Variants in CUL3 observed in about 807,000 individuals in gnomAD.
CUL3 encodes cullin 3, also known as cullin-3.
Under a neutral mutation model 89.1 loss-of-function variants are expected in CUL3, and 19 were observed. The observed-to-expected ratio is 0.21, with a 90% CI of 0.15 to 0.31. The LOEUF (loss-of-function observed/expected upper bound fraction) is 0.31, where lower values mean the gene tolerates loss of function less well. CUL3 is among the 10% of genes least tolerant of loss of function. The pLI is 1.00. For missense variants in CUL3, 469 were observed against 942.3 expected (o/e 0.50, Z 6.58); for synonymous variants, 351 against 308.4 (o/e 1.14, Z -1.45).
chr2:224,557,534 GAATTAGT>G (rs1694751120), intron 2 of CUL3, 118 bp downstream of exon 2: 1 of 590,460 alleles, frequency 1.7e-6, no homozygotes, highest in African/African-American at 1.9e-5. Context: ...TAACAGTCAC[GAATTAGT>G]AATTTCTATA....
rs1360117264 is a variant in CUL3 at position 224,471,962 on chromosome 2, G to GA, written c.*2282dup. On this transcript the variant is annotated 3_prime_UTR_variant, in exon 16 of 16. Coordinates refer to ENST00000264414, the MANE Select transcript of CUL3 (RefSeq NM_003590.5). Reference sequence around the variant, plus strand: ...TTCAAATTAAAGCATTAAAAACTGAGAAAAAATAGCATCTGTGACCTCTTG... The same window carrying GA: ...TTCAAATTAAAGCATTAAAAACTGAGAAAAAAATAGCATCTGTGACCTCTTG... 1.7e-5 allele frequency: 4 copies of GA among 230,978 alleles called. No homozygotes were observed. The highest frequency in any genetic ancestry group is 2.6e-5 in the Non-Finnish European group (3 of 116,758). The allele number at this position is 230,978 out of a possible 1,614,324, so 14.3% of individuals were successfully genotyped here. A position where few individuals can be genotyped will look rare whatever the true frequency, so the allele number is the denominator to read the frequency against.
At chr2:224,520,146 G>A (rs1266631710) in intron 3 of CUL3, among the ~76,000 whole-genome samples, 2 of 152,154 alleles carry the variant, frequency 1.3e-5, no homozygotes, top group East Asian at 1.9e-4. Context: ...AAACATGTTC[G>A]AAAGCCTAAT....
At chr2:224,554,253 G>C (rs568543108) in intron 2 of CUL3, among the ~76,000 whole-genome samples, 2 of 152,192 alleles carry the variant, frequency 1.3e-5, no homozygotes, top group East Asian at 1.9e-4. Flanking sequence ...CCTTACAAAG[G>C]CTACTCCAAG....
rs1693867519 is a variant in CUL3 at position 224,535,593 on chromosome 2, G to A, written c.313C>T (p.Leu105=). The A allele has an allele frequency of 6.2e-7, 1 of 1,612,956 alleles. No homozygotes were observed. ...TGATGATCATTCCAAGCTTGATTTAGCGTTTGAAGAAAGTTGTTATTCAAT... is the reference window on the plus strand; with the variant it reads ...TGATGATCATTCCAAGCTTGATTTAACGTTTGAAGAAAGTTGTTATTCAAT... ...NSLNNNFLQT[L]NQAWNDHQTA... Residue 105 remains leucine (L), a synonymous_variant, in exon 3 of 16, where the codon CTA becomes TTA. Coordinates refer to ENST00000264414, the MANE Select transcript of CUL3 (RefSeq NM_003590.5).
intron 10 of CUL3, among the ~76,000 whole-genome samples, chr2:224,500,695 G>A (rs542047973): frequency 4.7e-5 from 7 of 148,080 alleles, no homozygotes; most frequent in Admixed American, 6.9e-5. Context: ...GCACGATCTC[G>A]GCTCACTGCA....
At position 224,511,557 on chromosome 2, in the gene CUL3, T is replaced by C. The variant is rs1357706288; in HGVS notation, c.680A>G (p.Glu227Gly). Residue 227 changes from glutamate (E) to glycine (G), a missense_variant, in exon 6 of 16, where the codon GAA becomes GGA. By Grantham distance (98) the Glu-to-Gly change is moderately conservative. This residue lies in a region of CUL3 where 370 missense variants were observed against 733.2 expected (regional missense o/e 0.50). Transcript: ENST00000264414. ...CTTTATATATACTGAAGCACTATTT[T>C]CTGCTAAAAATTTCTGGCTTTCCAT... ...FQMESQKFLA[E>G]NSASVYIKKV... 1 of 1,584,530 alleles carries C rather than the reference T, an allele frequency of 6.3e-7. No individual in the cohort carries two copies. Among genetic ancestry groups the C allele is most frequent in the Admixed American group, 1.8e-5 (1 of 54,584 alleles).
At chr2:224,520,539 A>G (rs1274789103) in intron 3 of CUL3, among the ~76,000 whole-genome samples, 1 of 152,216 alleles carries the variant, frequency 6.6e-6, no homozygotes, top group Non-Finnish European at 1.5e-5. Flanking sequence ...CCCTGCCAAC[A>G]ACTATAAAGG....
At chr2:224,545,792 C>T (rs1422918351) in intron 2 of CUL3, among the ~76,000 whole-genome samples, 2 of 152,060 alleles carry the variant, frequency 1.3e-5, no homozygotes, top group African/African-American at 2.4e-5. Flanking sequence ...AATAGCACTA[C>T]GGAAAAGTTA....
intron 1 of CUL3, among the ~76,000 whole-genome samples, chr2:224,568,282 TGTG>T (rs1305274775): frequency 2.0e-5 from 3 of 152,220 alleles, no homozygotes; most frequent in African/African-American, 7.2e-5. Flanking sequence ...TATATGGGAA[TGTG>T]GTGATAGTCT....
chr2:224,499,457 A>G (rs1692290805), intron 11 of CUL3: 1 of 240,408 alleles, frequency 4.2e-6, no homozygotes, highest in Non-Finnish European at 9.3e-6. Flanking sequence ...TCCTGGCAAT[A>G]TCAAATACAG....
intron 13 of CUL3, 126 bp from the exon 14 acceptor site, chr2:224,482,204 G>T (rs895148828): frequency 3.1e-6 from 2 of 637,546 alleles, no homozygotes; most frequent in Non-Finnish European, 5.2e-6. Flanking sequence ...GCACAAAAAA[G>T]AATTCTCTTG....
intron 13 of CUL3, among the ~76,000 whole-genome samples, chr2:224,483,293 C>A (rs1414388135): frequency 6.6e-6 from 1 of 152,070 alleles, no homozygotes; most frequent in Non-Finnish European, 1.5e-5. Context: ...TTTAAGATTA[C>A]AGATCATCCC....
At chr2:224,561,957 C>G (rs1489640355) in intron 1 of CUL3, among the ~76,000 whole-genome samples, 1 of 152,208 alleles carries the variant, frequency 6.6e-6, no homozygotes, top group Non-Finnish European at 1.5e-5. Context: ...TTAATGTCAA[C>G]TATAAGCCTC....
chr2:224,478,161 T>C (rs764394392), intron 15 of CUL3, 39 bp downstream of exon 15: 1 of 1,520,102 alleles, frequency 6.6e-7, no homozygotes, highest in South Asian at 1.3e-5. Context: ...ATAATGTTAC[T>C]GTTTTTTCTA....
At position 224,485,697 on chromosome 2, in the gene CUL3, A is replaced by G. The variant is rs1441181239; in HGVS notation, c.1843-3619T>C. 6.6e-6 allele frequency among the ~76,000 whole-genome samples: 1 copy of G among 152,202 alleles called. No homozygotes were observed. Among genetic ancestry groups the G allele is most frequent in the African/African-American group, 2.4e-5 (1 of 41,434 alleles). ...ATGGGCCCAGCTTCAGCAGAATTAA[A>G]TGTTCTTGCCTGCTGGCTCTGAAGA... On this transcript the variant is annotated intron_variant, in intron 13 of 15. Transcript: ENST00000264414. The surrounding 1 kb of genome is among the most constrained non-coding windows in gnomAD (Gnocchi z 4.1).
At chr2:224,532,762 G>A (rs978567282) in intron 3 of CUL3, among the ~76,000 whole-genome samples, 48 of 152,120 alleles carry the variant, frequency 3.2e-4, no homozygotes, top group Non-Finnish European at 4.3e-4. Context: ...CATGTTTAAT[G>A]CTGGTTGAGT....
Position 224,481,913 on chromosome 2 carries a change from G to A in CUL3, c.2008C>T (p.His670Tyr). 1 of 1,567,502 alleles carries A rather than the reference G, an allele frequency of 6.4e-7. No individual in the cohort carries two copies. The highest frequency in any genetic ancestry group is 1.4e-5 in the African/African-American group (1 of 72,956). ...ATACCTGTTTGAATCTTGACTCTGT[G>A]TAGTTTGGATGTGAATTGATCATTA... ...TVNDQFTSKL[H>Y]RVKIQTVAAK... The change falls in exon 14 of 16, where the codon CAC becomes TAC. Residue 670 changes from histidine to tyrosine, a missense_variant. His to Tyr is a moderately conservative substitution (Grantham distance 83). Transcript: ENST00000264414.
chr2:224,545,146 G>C (rs1694249174), intron 2 of CUL3, among the ~76,000 whole-genome samples: 1 of 151,926 alleles, frequency 6.6e-6, no homozygotes, highest in South Asian at 2.1e-4. Flanking sequence ...CTTCTACTAA[G>C]GCCAAGATAA....
At chr2:224,581,583 A>T (rs1695439202) in intron 1 of CUL3, among the ~76,000 whole-genome samples, 2 of 149,860 alleles carry the variant, frequency 1.3e-5, no homozygotes, top group African/African-American at 4.9e-5. Context: ...GCTCACTGCA[A>T]CCTCTGCCTC....
Sources: allele counts gnomAD v4.1 joint callset (sites outside exome capture counted in the v4.1 genomes callset), GRCh38; gene constraint gnomAD v4.1.1; regional missense constraint gnomAD v4.1.1; non-coding constraint Gnocchi (gnomAD v3.1); transcripts MANE v1.5; gene names NCBI Gene and HGNC (gene_info 2026-07-23, HGNC 2026-07-21).